Variants in MCUB observed in about 807,000 individuals in gnomAD.
MCUB encodes mitochondrial calcium uniporter dominant negative subunit beta.
In MCUB, 46 loss-of-function variants were observed where a neutral mutation model predicts 41.4. The ratio of observed to expected loss-of-function variants is 1.11; its 90% CI spans 0.88 to 1.42. The LOEUF (loss-of-function observed/expected upper bound fraction) is 1.42, where lower values mean the gene tolerates loss of function less well. Among genes scored for constraint, MCUB ranks in the 40% most tolerant of loss-of-function variants. MCUB has a pLI of 0.00. For synonymous variants in MCUB, 148 were observed against 148.2 expected, an observed-to-expected ratio of 1.00 and a Z score of 0.01; for missense variants, 403 against 404.9, an observed-to-expected ratio of 1.00 and a Z score of 0.04.
At chr4:109,580,314 A>G (rs904701918) in intron 1 of MCUB, among the ~76,000 whole-genome samples, 9 of 152,268 alleles carry the variant, frequency 5.9e-5, no homozygotes, top group Admixed American at 3.3e-4. Context: ...AGTCTTTGCT[A>G]TGGTGAATAG....
chr4:109,595,504 T>C (rs2126129395), intron 1 of MCUB, among the ~76,000 whole-genome samples: 1 of 107,274 alleles, frequency 9.3e-6, no homozygotes, highest in South Asian at 4.3e-4. Context: ...TGAGCAATAG[T>C]ACAATTATGG....
Position 109,687,550 on chromosome 4 carries a change from CTGTT to C in MCUB, c.972_975del (p.Leu325LysfsTer4). The C allele has an allele frequency of 6.2e-7, 1 of 1,612,902 alleles. No homozygotes were observed. Among genetic ancestry groups the C allele is most frequent in the African/African-American group, 1.3e-5 (1 of 75,002 alleles). On this transcript the variant is annotated frameshift_variant, in exon 8 of 8. Coordinates refer to ENST00000394650, the MANE Select transcript of MCUB (RefSeq NM_017918.5). LOFTEE classifies it low-confidence loss of function (END_TRUNC). The stretch of plus-strand genomic sequence containing the variant: ...CCCTGAAACAGGCGCGTCATTCTCT[CTGTT>C]TGCAAATGCAAGTAGAAGAACTCAA...
chr4:109,597,357 G>C (rs1290644790), intron 1 of MCUB, among the ~76,000 whole-genome samples: 1 of 150,756 alleles, frequency 6.6e-6, no homozygotes, highest in East Asian at 2.0e-4. Context: ...TGGCCGGGCG[G>C]GGGGCTGACC....
At chr4:109,623,927 G>C (rs1407502115) in intron 1 of MCUB, among the ~76,000 whole-genome samples, 1 of 152,152 alleles carries the variant, frequency 6.6e-6, no homozygotes, top group Non-Finnish European at 1.5e-5. Context: ...ATAGCTCACT[G>C]TAACCTTGAA....
At chr4:109,636,353 T>C (rs979057643) in intron 1 of MCUB, among the ~76,000 whole-genome samples, 1 of 152,164 alleles carries the variant, frequency 6.6e-6, no homozygotes, top group African/African-American at 2.4e-5. Context: ...CAAAGTAATG[T>C]AGTTGAAGCA....
intron 1 of MCUB, among the ~76,000 whole-genome samples, chr4:109,588,463 C>T (rs752672876): frequency 6.6e-6 from 1 of 152,168 alleles, no homozygotes; most frequent in Non-Finnish European, 1.5e-5. Flanking sequence ...GCTAATCTGA[C>T]ATTTCAGTGT....
chr4:109,684,631 T>G lies in MCUB; in HGVS notation c.801T>G (p.Phe267Leu), dbSNP rs373191930. The G allele has an allele frequency of 4.0e-6, 6 of 1,497,092 alleles. No homozygotes were observed. Among genetic ancestry groups the G allele is most frequent in the Non-Finnish European group, 5.6e-6 (6 of 1,074,398 alleles). The allele number at this position is 1,497,092 out of a possible 1,614,324, so 92.7% of individuals were successfully genotyped here. A position where few individuals can be genotyped will look rare whatever the true frequency, so the allele number is the denominator to read the frequency against. The stretch of plus-strand genomic sequence containing the variant: ...ATTCTATGGTCTTTTTTGCATACTT[T>G]ATAGTCACTCGACAGGTGAGTAGTT... The part of the protein sequence containing the change: ...FANSMVFFAY[F>L]IVTRQDYTYS... The change falls in exon 6 of 8, where the codon TTT becomes TTG. Residue 267 changes from phenylalanine (F) to leucine (L), a missense_variant. Phe to Leu is a conservative substitution (Grantham distance 22). Coordinates refer to ENST00000394650, the MANE Select transcript of MCUB (RefSeq NM_017918.5).
At position 109,597,073 on chromosome 4, in the gene MCUB, C is replaced by G. The variant is rs1370970149; in HGVS notation, c.99+36637C>G. ...GGTAAGGTCACAGATCAACAGGATC[C>G]CAAGGCAGAAGAATTTTTCTTAGTA... On this transcript the variant is annotated intron_variant, in intron 1 of 7. Transcript: ENST00000394650. Among the ~76,000 whole-genome samples, 10 of 146,162 alleles carry G rather than the reference C, an allele frequency of 6.8e-5. No individual in the cohort carries two copies. The East Asian group carries it at 2.0e-3, about 30-fold the overall frequency.
chr4:109,597,285 C>G (rs1727581088), intron 1 of MCUB, among the ~76,000 whole-genome samples: 2 of 152,096 alleles, frequency 1.3e-5, no homozygotes, highest in Admixed American at 1.3e-4. Context: ...GGCAGAGGGG[C>G]TCCTCACTTC....
intron 1 of MCUB, among the ~76,000 whole-genome samples, chr4:109,568,384 C>T (rs1726830829): frequency 6.6e-6 from 1 of 152,152 alleles, no homozygotes; most frequent in Non-Finnish European, 1.5e-5. Flanking sequence ...CCCTCCAGTT[C>T]CATCTTCTGC....
chr4:109,629,941 C>T (rs1417679196), intron 1 of MCUB, among the ~76,000 whole-genome samples: 1 of 152,176 alleles, frequency 6.6e-6, no homozygotes, highest in African/African-American at 2.4e-5. Flanking sequence ...GGCTGAAAGT[C>T]CCAACCCTCT....
In MCUB at chr4:109,687,017, A is replaced by AT. The variant is rs200539952; in HGVS notation, c.934-489dup. 3.2e-3 allele frequency among the ~76,000 whole-genome samples: 487 copies of AT among 151,050 alleles called. 1 individual carries two copies. Among genetic ancestry groups the AT allele is most frequent in the Non-Finnish European group, 3.4e-3 (232 of 67,734 alleles). On this transcript the variant is annotated intron_variant, in intron 7 of 7. Coordinates refer to ENST00000394650, the MANE Select transcript of MCUB (RefSeq NM_017918.5). ...AACCATTATAAAGGGTATAAACTGT[A>AT]TTTTTTTTTAAGGCATAAGGATGAA...
intron 1 of MCUB, among the ~76,000 whole-genome samples, chr4:109,644,158 G>A (rs1728782321): frequency 6.6e-6 from 1 of 152,174 alleles, no homozygotes; most frequent in South Asian, 2.1e-4. Context: ...ATGTGTGTAT[G>A]TTAGTATAGT....
At chr4:109,629,460 A>G (rs978901171) in intron 1 of MCUB, among the ~76,000 whole-genome samples, 21 of 152,210 alleles carry the variant, frequency 1.4e-4, no homozygotes, top group African/African-American at 4.8e-4. Flanking sequence ...TAATTCTGCA[A>G]TGGATACCAG....
intron 1 of MCUB, among the ~76,000 whole-genome samples, chr4:109,584,286 A>G (rs911135110): frequency 6.6e-6 from 1 of 152,128 alleles, no homozygotes. Flanking sequence ...CTGTGGGATC[A>G]GTGGTGATAT....
At chr4:109,626,599 G>A (rs2126136799) in intron 1 of MCUB, among the ~76,000 whole-genome samples, 1 of 152,094 alleles carries the variant, frequency 6.6e-6, no homozygotes, top group South Asian at 2.1e-4. Flanking sequence ...GATCACCTGA[G>A]GTCAGAAGTT....
chr4:109,687,661 T>G lies in MCUB; in HGVS notation c.*69T>G. 1 of 892,690 alleles carries G rather than the reference T, an allele frequency of 1.1e-6. No homozygotes were observed. The highest frequency in any genetic ancestry group is 1.8e-6 in the Non-Finnish European group (1 of 543,562). 55.3% of individuals were successfully genotyped at this position (892,690 alleles called of 1,614,324 possible). On this transcript the variant is annotated 3_prime_UTR_variant, in exon 8 of 8. Coordinates refer to ENST00000394650, the MANE Select transcript of MCUB (RefSeq NM_017918.5). ...TTTTGCAACTTAGGATGTTTTTGAG[T>G]CCCATGGTTCATTTTGATTGTTTAA...
At chr4:109,598,441 C>T (rs928392848) in intron 1 of MCUB, among the ~76,000 whole-genome samples, 6 of 152,102 alleles carry the variant, frequency 3.9e-5, no homozygotes, top group African/African-American at 7.2e-5. Context: ...AAAAAAAATA[C>T]GAAAACCAGT....
At chr4:109,576,065 G>T (rs925518218) in intron 1 of MCUB, among the ~76,000 whole-genome samples, 4 of 152,146 alleles carry the variant, frequency 2.6e-5, no homozygotes, top group Non-Finnish European at 5.9e-5. Flanking sequence ...CCATTTGGTG[G>T]TGACCATTTT....
Sources: allele counts gnomAD v4.1 joint callset (sites outside exome capture counted in the v4.1 genomes callset), GRCh38; gene constraint gnomAD v4.1.1; transcripts MANE v1.5; gene names NCBI Gene and HGNC (gene_info 2026-07-23, HGNC 2026-07-21).